The following CFAP20DC variants were observed in gnomAD, a reference collection of about 807,000 sequenced individuals.
CFAP20DC encodes protein CFAP20DC.
Under a neutral mutation model 101.7 loss-of-function variants are expected in CFAP20DC, and 84 were observed. The ratio of observed to expected loss-of-function variants is 0.83; its 90% CI spans 0.69 to 0.99. The LOEUF is 0.99. Ranked by LOEUF, CFAP20DC falls within the 50% of genes least tolerant of loss-of-function variation. The pLI is 0.00. For missense variants in CFAP20DC, 1,007 were observed against 970.3 expected, an observed-to-expected ratio of 1.04 and a Z score of -0.50; for synonymous variants, 359 against 351.2, an observed-to-expected ratio of 1.02 and a Z score of -0.25.
intron 4 of CFAP20DC, among the ~76,000 whole-genome samples, chr3:59,028,046 A>G (rs2093923819): frequency 6.6e-6 from 1 of 152,232 alleles, no homozygotes; most frequent in Non-Finnish European, 1.5e-5. Context: ...CCTGAAAATG[A>G]GAGAATTCTG....
intron 15 of CFAP20DC, among the ~76,000 whole-genome samples, chr3:58,774,350 T>C (rs1398186148): frequency 6.6e-6 from 1 of 152,206 alleles, no homozygotes; most frequent in East Asian, 1.9e-4. Context: ...ATATTCAAAG[T>C]CAGGTCAGGA....
At chr3:58,740,993 A>G (rs147147695), downstream of CFAP20DC, among the ~76,000 whole-genome samples, 4 of 152,330 alleles carry the variant, frequency 2.6e-5, no homozygotes, top group Non-Finnish European at 5.9e-5. The surrounding 1 kb of genome is among the most constrained non-coding windows in gnomAD (Gnocchi z 4.6). Flanking sequence ...CAGGATTAAA[A>G]GCTTATCAAA....
At chr3:58,766,132 G>A (rs963961782) in intron 15 of CFAP20DC, among the ~76,000 whole-genome samples, 3 of 152,132 alleles carry the variant, frequency 2.0e-5, no homozygotes, top group African/African-American at 4.8e-5. Flanking sequence ...GATAGAAAAT[G>A]TGTTAGTTTT....
At chr3:58,808,599 A>G (rs1046367203) in intron 14 of CFAP20DC, among the ~76,000 whole-genome samples, 2 of 152,220 alleles carry the variant, frequency 1.3e-5, no homozygotes, top group African/African-American at 2.4e-5. Flanking sequence ...AGTACCAGCC[A>G]CTGCAAAATC....
intron 13 of CFAP20DC, among the ~76,000 whole-genome samples, chr3:58,841,822 T>C (rs1397890498): frequency 1.3e-5 from 2 of 152,254 alleles, no homozygotes; most frequent in Non-Finnish European, 1.5e-5. Context: ...CTACGCATTC[T>C]TCAATAAGCT....
intron 6 of CFAP20DC, among the ~76,000 whole-genome samples, chr3:58,886,231 G>C (rs2081614811): frequency 6.6e-6 from 1 of 151,982 alleles, no homozygotes; most frequent in African/African-American, 2.4e-5. Context: ...TATAATTTCT[G>C]AAAAATAAAC....
chr3:58,916,223 A>G (rs2084693006), intron 5 of CFAP20DC, among the ~76,000 whole-genome samples: 1 of 152,088 alleles, frequency 6.6e-6, no homozygotes, highest in East Asian at 1.9e-4. Flanking sequence ...GGTTTTGAGC[A>G]ACAAATACAT....
At chr3:58,745,086 G>A (rs921052467) in intron 16 of CFAP20DC, among the ~76,000 whole-genome samples, 3 of 152,066 alleles carry the variant, frequency 2.0e-5, no homozygotes, top group Admixed American at 6.6e-5. Context: ...GGAAGGCTGC[G>A]TTTCCTTTAT....
intron 6 of CFAP20DC, among the ~76,000 whole-genome samples, chr3:58,901,563 C>T (rs2107128899): frequency 6.6e-6 from 1 of 152,284 alleles, no homozygotes; most frequent in Middle Eastern, 3.4e-3. Flanking sequence ...GCCTGGTATA[C>T]AGCAAGTGCT....
intron 4 of CFAP20DC, among the ~76,000 whole-genome samples, chr3:58,986,430 G>A (rs1339041810): frequency 6.6e-6 from 1 of 152,090 alleles, no homozygotes; most frequent in African/African-American, 2.4e-5. Flanking sequence ...AAGGTGGGAA[G>A]CTAGAACTGA....
At chr3:58,996,035 T>G (rs955878324) in intron 4 of CFAP20DC, among the ~76,000 whole-genome samples, 1 of 145,728 alleles carries the variant, frequency 6.9e-6, no homozygotes, top group African/African-American at 2.5e-5. Flanking sequence ...TTGTTTCTGT[T>G]GCTCTGGAGA....
chr3:59,025,517 T>C (rs79506267), intron 4 of CFAP20DC, among the ~76,000 whole-genome samples: 1 of 152,288 alleles, frequency 6.6e-6, no homozygotes, highest in African/African-American at 2.4e-5. Context: ...TAAATTAAAA[T>C]ATACTGTGCA....
rs772778129 is a variant in CFAP20DC, at chr3:58,753,802, G to C, written c.2299C>G (p.Arg767Gly). ...CTCAAACTTTCACAGGAATCTGGAC[G>C]CTGCTCAGCCGGCTGTTGACTGGGA... ...VPPSQQPAEQ[R>G]PDSCESLSVQ... The change falls in exon 16 of 17, where the codon CGT (arginine) becomes GGT (glycine). Residue 767 changes from arginine (R) to glycine (G), a missense_variant. Physicochemically the swap from Arg to Gly is moderately radical, Grantham distance 125. Coordinates refer to ENST00000482387, the MANE Select transcript of CFAP20DC (RefSeq NM_001394063.1). 1.9e-6 allele frequency: 3 copies of C among 1,612,544 alleles called. No individual in the cohort carries two copies. Among genetic ancestry groups the C allele is most frequent in the Non-Finnish European group, 2.5e-6 (3 of 1,179,272 alleles).
At chr3:59,043,402 A>G (rs1432294309) in intron 3 of CFAP20DC, among the ~76,000 whole-genome samples, 1 of 152,158 alleles carries the variant, frequency 6.6e-6, no homozygotes, top group African/African-American at 2.4e-5. Context: ...TATGTGAAGT[A>G]AGATGAGGGC....
rs190511221 is a variant in CFAP20DC at position 58,736,982 on chromosome 3, A to G, written c.197+16787T>C. ...GCAAACCAGAACCAAAATATTCATTAAGATGTAAGACTCCAATATTCATGA... is the reference window on the plus strand; with the variant it reads ...GCAAACCAGAACCAAAATATTCATTGAGATGTAAGACTCCAATATTCATGA... On this transcript the variant is annotated intron_variant, in intron 3 of 3. Transcript: ENST00000486145. Among the ~76,000 whole-genome samples the G allele has an allele frequency of 4.5e-4, 68 of 152,340 alleles. No individual in the cohort carries two copies. The East Asian group carries it at 0.012, about 28-fold the overall frequency.
chr3:58,951,447 C>T (rs1006230314), intron 4 of CFAP20DC, among the ~76,000 whole-genome samples: 5 of 152,168 alleles, frequency 3.3e-5, no homozygotes, highest in African/African-American at 1.2e-4. Context: ...GCTATAAAGA[C>T]ACATGCACAC....
intron 3 of CFAP20DC, among the ~76,000 whole-genome samples, chr3:59,045,730 G>T (rs1026501802): frequency 1.3e-5 from 2 of 152,028 alleles, no homozygotes; most frequent in Non-Finnish European, 2.9e-5. Context: ...AAGTATATGA[G>T]TTGACATGTC....
rs186857797 is a variant in CFAP20DC, at chr3:58,882,426, T to C, written c.715+2119A>G. Among the ~76,000 whole-genome samples, 18 of 152,290 alleles carry C rather than the reference T, an allele frequency of 1.2e-4. No individual in the cohort carries two copies. Among genetic ancestry groups the C allele is most frequent in the South Asian group, 2.1e-4 (1 of 4,826 alleles). On this transcript the variant is annotated intron_variant, in intron 7 of 16. Transcript: ENST00000482387. This position sits in a 1 kb window ranked among gnomAD's most constrained non-coding sequence, Gnocchi z 4.2. ...AGACTTGCACTTTCATTTAAAGACA[T>C]AATTAATTCTTAAAACATTAAGCTA...
chr3:58,890,295 G>A (rs1163462974), intron 6 of CFAP20DC, among the ~76,000 whole-genome samples: 7 of 142,746 alleles, frequency 4.9e-5, no homozygotes, highest in Admixed American at 6.9e-5. Context: ...CGGGGCGGCT[G>A]TCCGGGCGGG....
Sources: allele counts gnomAD v4.1 joint callset (sites outside exome capture counted in the v4.1 genomes callset), GRCh38; gene constraint gnomAD v4.1.1; non-coding constraint Gnocchi (gnomAD v3.1); transcripts MANE v1.5; gene names NCBI Gene and HGNC (gene_info 2026-07-23, HGNC 2026-07-21).